Variants in RNF150 observed in about 807,000 individuals in gnomAD.
The protein encoded by RNF150 is ring finger protein 150.
A neutral mutation model predicts 39.3 loss-of-function variants in RNF150; 24 were observed. The observed-to-expected ratio is 0.61, with a 90% CI of 0.44 to 0.86. RNF150 has a LOEUF of 0.86. Among genes scored for constraint, RNF150 ranks in the 40% least tolerant of loss-of-function variants. The pLI is 0.00. For missense variants in RNF150, 502 were observed against 587.8 expected (o/e 0.85, Z 1.51); for synonymous variants, 255 against 227.3 (o/e 1.12, Z -1.10).
Position 140,926,049 on chromosome 4 carries a change from A to G in RNF150, c.915T>C (p.Val305=). 1 of 1,613,898 alleles carries G rather than the reference A, an allele frequency of 6.2e-7. No homozygotes were observed. The highest frequency in any genetic ancestry group is 8.5e-7 in the Non-Finnish European group (1 of 1,179,744). The change falls in exon 5 of 7, where the codon GTT becomes GTC. Residue 305 remains valine (V), a synonymous_variant. Transcript: ENST00000515673. ...TACGATGGTCTAGAAGCCAGGGGTCAACACAGGACTTGTGGAAAAGATGCC... is the reference window on the plus strand; with the variant it reads ...TACGATGGTCTAGAAGCCAGGGGTCGACACAGGACTTGTGGAAAAGATGCC... ...PCRHLFHKSC[V]DPWLLDHRTC...
At chr4:141,142,193 T>C (rs1245826087) in intron 1 of RNF150, among the ~76,000 whole-genome samples, 1 of 152,180 alleles carries the variant, frequency 6.6e-6, no homozygotes, top group Non-Finnish European at 1.5e-5. Flanking sequence ...GCCTTTAGAA[T>C]CAAACTCCCC....
chr4:140,880,512 A>C (rs944666417), intron 6 of RNF150, among the ~76,000 whole-genome samples: 1 of 149,554 alleles, frequency 6.7e-6, no homozygotes. Flanking sequence ...TACAGGCCTC[A>C]TAAAATAGTT....
intron 6 of RNF150, among the ~76,000 whole-genome samples, chr4:140,882,401 T>A (rs1352794430): frequency 6.6e-6 from 1 of 152,200 alleles, no homozygotes; most frequent in Non-Finnish European, 1.5e-5. Context: ...AAATGTGTAT[T>A]CTGCTACTGT....
At chr4:141,116,618 G>A (rs1451757832) in intron 1 of RNF150, among the ~76,000 whole-genome samples, 2 of 152,306 alleles carry the variant, frequency 1.3e-5, no homozygotes, top group East Asian at 3.9e-4. Flanking sequence ...AATACCATTT[G>A]ACTCAGCAAT....
At chr4:141,136,342 C>T (rs1164614345), upstream of RNF150, among the ~76,000 whole-genome samples, 2 of 151,648 alleles carry the variant, frequency 1.3e-5, no homozygotes, top group Non-Finnish European at 2.9e-5. Flanking sequence ...GCAACTTACT[C>T]TTAAATGGTT....
chr4:140,969,012 G>C (rs1440923806), intron 1 of RNF150, among the ~76,000 whole-genome samples: 1 of 152,004 alleles, frequency 6.6e-6, no homozygotes, highest in Non-Finnish European at 1.5e-5. Context: ...GAGGAAATTT[G>C]CAACAAGGAT....
At chr4:141,084,923 C>G (rs1291268602) in intron 1 of RNF150, among the ~76,000 whole-genome samples, 1 of 152,156 alleles carries the variant, frequency 6.6e-6, no homozygotes, top group Non-Finnish European at 1.5e-5. Flanking sequence ...AACTTTGTGA[C>G]TTCCTTTGCC....
chr4:141,196,698 C>G (rs552477939), intron 1 of RNF150, among the ~76,000 whole-genome samples: 4 of 152,288 alleles, frequency 2.6e-5, no homozygotes, highest in African/African-American at 9.6e-5. Flanking sequence ...GATTGAGGAA[C>G]TAGTGGTGAA....
chr4:140,954,013 C>G (rs1332558850), intron 2 of RNF150, among the ~76,000 whole-genome samples: 1 of 152,090 alleles, frequency 6.6e-6, no homozygotes, highest in Non-Finnish European at 1.5e-5. Flanking sequence ...AAGTCTATTA[C>G]AAAACAGACT....
In RNF150 at chr4:141,051,864, C is replaced by T. The variant is rs114999587; in HGVS notation, c.484+80461G>A. On this transcript the variant is annotated intron_variant, in intron 1 of 6. Coordinates refer to ENST00000515673, the MANE Select transcript of RNF150 (RefSeq NM_020724.2). ...GTATCTTTTCAGTAATGCCTTAGTCCCAGTCACAATTTATGGTATTAGTCC... is the reference window on the plus strand; with the variant it reads ...GTATCTTTTCAGTAATGCCTTAGTCTCAGTCACAATTTATGGTATTAGTCC... Among the ~76,000 whole-genome samples the T allele has an allele frequency of 3.0e-3, 460 of 152,200 alleles. 1 individual carries two copies. Among genetic ancestry groups the T allele is most frequent in the Admixed American group, 5.6e-3 (86 of 15,282 alleles).
At chr4:140,976,787 T>C (rs1733680319) in intron 1 of RNF150, among the ~76,000 whole-genome samples, 1 of 152,090 alleles carries the variant, frequency 6.6e-6, no homozygotes, top group South Asian at 2.1e-4. Flanking sequence ...GAACCTGCCC[T>C]ACAAAATTTG....
rs547219071 is a variant in RNF150, at chr4:141,094,654, C to T, written c.484+37671G>A. Among the ~76,000 whole-genome samples, 55 of 152,346 alleles carry T rather than the reference C, an allele frequency of 3.6e-4. 1 individual carries two copies. The South Asian group carries it at 0.011, about 29-fold the overall frequency. On this transcript the variant is annotated intron_variant, in intron 1 of 6. Coordinates refer to ENST00000515673, the MANE Select transcript of RNF150 (RefSeq NM_020724.2). ...TCAGGCCAGATTTGGCCCACATGGCCGTAGTTTGCCAGCCCCTAAAAGAGA... is the reference window on the plus strand; with the variant it reads ...TCAGGCCAGATTTGGCCCACATGGCTGTAGTTTGCCAGCCCCTAAAAGAGA...
intron 1 of RNF150, among the ~76,000 whole-genome samples, chr4:141,088,988 C>G (rs947249871): frequency 6.6e-6 from 1 of 152,122 alleles, no homozygotes; most frequent in Non-Finnish European, 1.5e-5. Context: ...AACAAAGTCT[C>G]TAGGAAACAC....
intron 1 of RNF150, among the ~76,000 whole-genome samples, chr4:141,080,590 G>A (rs7441524): frequency 0.75 from 114,335 of 152,090 alleles, 43,559 homozygotes; most frequent in East Asian, 1. Context: ...GTCCATTCCT[G>A]TGAAAAATCA....
chr4:140,986,373 G>GTCCA (rs1310215380), intron 1 of RNF150, among the ~76,000 whole-genome samples: 14 of 152,024 alleles, frequency 9.2e-5, no homozygotes, highest in Admixed American at 9.2e-4. Context: ...ACTTATTTAA[G>GTCCA]TTTAGAAATG....
At chr4:141,083,609 T>C (rs769527666) in intron 1 of RNF150, among the ~76,000 whole-genome samples, 14 of 152,006 alleles carry the variant, frequency 9.2e-5, no homozygotes, top group Non-Finnish European at 1.6e-4. Flanking sequence ...CCCTGATCAG[T>C]AGGAAACTGA....
At chr4:141,020,918 C>T (rs1578639511) in intron 1 of RNF150, among the ~76,000 whole-genome samples, 1 of 152,122 alleles carries the variant, frequency 6.6e-6, no homozygotes, top group Admixed American at 6.6e-5. Context: ...AGAACCAGAG[C>T]TGTTAAAAAC....
At chr4:141,094,073 T>C (rs1045026668) in intron 1 of RNF150, among the ~76,000 whole-genome samples, 2 of 152,122 alleles carry the variant, frequency 1.3e-5, no homozygotes, top group Non-Finnish European at 2.9e-5. Flanking sequence ...GGATCAGATA[T>C]AGCACAAGAA....
intron 1 of RNF150, among the ~76,000 whole-genome samples, chr4:140,983,720 T>TTGTA (rs1466834585): frequency 6.6e-6 from 1 of 151,636 alleles, no homozygotes; most frequent in African/African-American, 2.4e-5. Flanking sequence ...GTGAATAACT[T>TTGTA]TGTATGTTGT....
Sources: allele counts gnomAD v4.1 joint callset (sites outside exome capture counted in the v4.1 genomes callset), GRCh38; gene constraint gnomAD v4.1.1; transcripts MANE v1.5; gene names NCBI Gene and HGNC (gene_info 2026-07-23, HGNC 2026-07-21).